The following SLC15A3 variants were observed in gnomAD, a reference collection of about 807,000 sequenced individuals.
SLC15A3 encodes solute carrier family 15 member 3.
SLC15A3 carries 39 observed loss-of-function variants against 49.2 expected under a neutral mutation model. The ratio of observed to expected loss-of-function variants is 0.79; its 90% confidence interval spans 0.61 to 1.04. The LOEUF (loss-of-function observed/expected upper bound fraction) is 1.04, where lower values mean the gene tolerates loss of function less well. Ranked by LOEUF, SLC15A3 falls within the 50% of genes least tolerant of loss-of-function variation. SLC15A3 has a pLI of 0.00. For synonymous variants in SLC15A3, 339 were observed against 367.0 expected, an observed-to-expected ratio of 0.92 and a Z score of 0.87; for missense variants, 758 against 794.8, an observed-to-expected ratio of 0.95 and a Z score of 0.56.
At chr11:60,941,735 A>G in intron 4 of SLC15A3, 1 of 370,620 alleles carries the variant, frequency 2.7e-6, no homozygotes, top group Non-Finnish European at 5.0e-6. Flanking sequence ...GGGACAAGGA[A>G]GAGTTGAAAA....
At chr11:60,950,315 T>G (rs888515358) in intron 1 of SLC15A3, among the ~76,000 whole-genome samples, 2 of 152,214 alleles carry the variant, frequency 1.3e-5, no homozygotes, top group African/African-American at 4.8e-5. Context: ...GGAGTCCAGC[T>G]GCCTTTACTC....
chr11:60,949,169 TCCTAAAAAAATACA>T (rs1159262028), intron 1 of SLC15A3, among the ~76,000 whole-genome samples: 1 of 151,654 alleles, frequency 6.6e-6, no homozygotes, highest in Non-Finnish European at 1.5e-5. Context: ...ACCACATCTC[TCCTAAAAAAATACA>T]AAAACTAGCC....
At position 60,951,303 on chromosome 11, in the gene SLC15A3, G is replaced by T; in HGVS notation, c.249C>A (p.Ser83=). The T allele has an allele frequency of 6.5e-7, 1 of 1,527,016 alleles. No individual in the cohort carries two copies. The highest frequency in any genetic ancestry group is 8.8e-7 in the Non-Finnish European group (1 of 1,139,628). 94.6% of individuals were successfully genotyped at this position (1,527,016 alleles called of 1,614,324 possible). A position where few individuals can be genotyped will look rare whatever the true frequency, so the allele number is the denominator to read the frequency against. ...TRAALVFLGA[S]YLLAPVGGWL... is the part of the protein sequence containing the mutation. ...AGCCGCCCACGGGCGCCAGCAGGTA[G>T]GAGGCGCCCAGGAATACCAGCGCGG... The change falls in exon 1 of 8, where the codon TCC becomes TCA. Residue 83 remains serine, a synonymous_variant. Transcript: ENST00000227880.
At chr11:60,941,314 G>C in intron 4 of SLC15A3, 24 bp from the exon 5 acceptor site, 3 of 1,605,614 alleles carry the variant, frequency 1.9e-6, no homozygotes, top group Non-Finnish European at 1.7e-6. Context: ...AGTCAGGAGA[G>C]GCAGGCTAGC....
Position 60,951,306 on chromosome 11 carries a change from G to A in SLC15A3, c.246C>T (p.Ala82=), listed in dbSNP as rs1237378945. 8.5e-6 allele frequency: 13 copies of A among 1,527,834 alleles called. No individual in the cohort carries two copies. The highest frequency in any genetic ancestry group is 1.2e-5 in the South Asian group (1 of 81,808). The allele number at this position is 1,527,834 out of a possible 1,614,324, so 94.6% of individuals were successfully genotyped here. ...CGCCCACGGGCGCCAGCAGGTAGGA[G>A]GCGCCCAGGAATACCAGCGCGGCGC... ...ATRAALVFLG[A]SYLLAPVGGW... Residue 82 remains alanine (A), a synonymous_variant, in exon 1 of 8, where the codon GCC becomes GCT. Transcript: ENST00000227880.
chr11:60,946,455 C>A lies in SLC15A3; in HGVS notation c.848+77G>T, dbSNP rs1037611896. On this transcript the variant is annotated intron_variant, in intron 2 of 7. Coordinates refer to ENST00000227880, the MANE Select transcript of SLC15A3 (RefSeq NM_016582.3). ...GTAGCTGAACCAGAATGTCTGCAACCTGGACCATGCCTCCCCGGGAGCGAT... is the reference window on the plus strand; with the variant it reads ...GTAGCTGAACCAGAATGTCTGCAACATGGACCATGCCTCCCCGGGAGCGAT... 3 of 1,475,898 alleles carry A rather than the reference C, an allele frequency of 2.0e-6. No homozygotes were observed. In the African/African-American group the frequency reaches 4.2e-5, roughly 21 times the overall value. 91.4% of individuals were successfully genotyped at this position (1,475,898 alleles called of 1,614,324 possible).
At chr11:60,948,416 T>A (rs1334548579) in intron 1 of SLC15A3, among the ~76,000 whole-genome samples, 1 of 152,232 alleles carries the variant, frequency 6.6e-6, no homozygotes. Context: ...AATGAGCAGA[T>A]GCTTTGTCGA....
At chr11:60,947,462 A>T (rs967297094) in intron 1 of SLC15A3, among the ~76,000 whole-genome samples, 1 of 152,300 alleles carries the variant, frequency 6.6e-6, no homozygotes, top group Middle Eastern at 3.4e-3. Flanking sequence ...TACAGGCGTG[A>T]GCCATCGCGC....
Position 60,951,025 on chromosome 11 carries a change from C to T in SLC15A3, c.527G>A (p.Arg176Gln), listed in dbSNP as rs2134945645. 5 of 1,494,662 alleles carry T rather than the reference C, an allele frequency of 3.3e-6. No individual in the cohort carries two copies. Among genetic ancestry groups the T allele is most frequent in the East Asian group, 2.8e-5 (1 of 35,202 alleles). 92.6% of individuals were successfully genotyped at this position (1,494,662 alleles called of 1,614,324 possible). ...GGCACCGAAGGAGGTGAGGTTGCTC[C>T]GGACGGAGCTGGCGGCCAGGCCGAG... ...LLLGLAASSVRSNLTSFGADQ... is the reference protein window; with the variant it reads ...LLLGLAASSVQSNLTSFGADQ... Residue 176 changes from arginine (R) to glutamine (Q), a missense_variant, in exon 1 of 8, where the codon CGG (arginine) becomes CAG (glutamine). This residue lies in a region of SLC15A3 where 699 missense variants were observed against 706.7 expected (regional missense o/e 0.99). Transcript: ENST00000227880.
chr11:60,946,971 C>A, intron 1 of SLC15A3, 150 bp from the exon 2 acceptor site: 1 of 842,582 alleles, frequency 1.2e-6, no homozygotes, highest in East Asian at 2.7e-5. Context: ...AACAGATGCT[C>A]AGTAAATATT....
In SLC15A3 at chr11:60,944,664, G is replaced by A. The variant is rs536006394; in HGVS notation, c.849-828C>T. ...CCAGTCCAAGCCTGACTCAGAGAGA[G>A]ACGCTGTCACAGATTTGATACACCA... On this transcript the variant is annotated intron_variant, in intron 2 of 7. Coordinates refer to ENST00000227880, the MANE Select transcript of SLC15A3 (RefSeq NM_016582.3). Among the ~76,000 whole-genome samples the A allele has an allele frequency of 3.3e-5, 5 of 152,210 alleles. No individual in the cohort carries two copies. The South Asian group carries it at 8.3e-4, about 25-fold the overall frequency.
intron 1 of SLC15A3, 93 bp downstream of exon 1, chr11:60,950,901 G>A (rs1478470895): frequency 2.4e-6 from 3 of 1,273,860 alleles, no homozygotes; most frequent in South Asian, 1.8e-5. Context: ...AGTGCAGGCA[G>A]GGGACCTGGT....
In SLC15A3 at chr11:60,951,331, C is replaced by A; in HGVS notation, c.221G>T (p.Arg74Leu). ...GGCGCCCAGGAATACCAGCGCGGCGCGCGTCGCCTGCTCGCCGGTCCAGTT... is the reference window on the plus strand; with the variant it reads ...GGCGCCCAGGAATACCAGCGCGGCGAGCGTCGCCTGCTCGCCGGTCCAGTT... Reference protein sequence around the residue: ...NFNWTGEQATRAALVFLGASY... With the variant: ...NFNWTGEQATLAALVFLGASY... The change falls in exon 1 of 8, where the codon CGC becomes CTC. Residue 74 changes from arginine (R) to leucine (L), a missense_variant. Physicochemically the swap from Arg to Leu is moderately radical, Grantham distance 102. Around this residue, in one of 3 missense-constraint regions of SLC15A3, gnomAD observed 699 missense variants for 706.7 expected, o/e 0.99. Coordinates refer to ENST00000227880, the MANE Select transcript of SLC15A3 (RefSeq NM_016582.3). 1.3e-6 allele frequency: 2 copies of A among 1,536,840 alleles called. No homozygotes were observed. The highest frequency in any genetic ancestry group is 1.7e-6 in the Non-Finnish European group (2 of 1,144,702).
Position 60,946,521 on chromosome 11 carries a change from C to G in SLC15A3, c.848+11G>C, listed in dbSNP as rs747583248. On this transcript the variant is annotated intron_variant, in intron 2 of 7. Transcript: ENST00000227880. ...GCTTGGAGGCTCCCTGCACCCAGAG[C>G]CCCTCCTTACCTGGCCGAGTGTCGT... 6.5e-7 allele frequency: 1 copy of G among 1,540,410 alleles called. No individual in the cohort carries two copies. The highest frequency in any genetic ancestry group is 8.8e-7 in the Non-Finnish European group (1 of 1,141,972).
intron 1 of SLC15A3, among the ~76,000 whole-genome samples, chr11:60,950,265 A>G (rs549959335): frequency 6.6e-6 from 1 of 152,338 alleles, no homozygotes; most frequent in African/African-American, 2.4e-5. Context: ...CTGCCCGCAC[A>G]TCCCCATAAC....
rs111536791 is a variant in SLC15A3 at position 60,937,735 on chromosome 11, C to T, written c.1591+135G>A. 265 of 1,224,122 alleles carry T rather than the reference C, an allele frequency of 2.2e-4. No individual in the cohort carries two copies. The African/African-American group carries it at 3.5e-3, about 16-fold the overall frequency. 75.8% of individuals were successfully genotyped at this position (1,224,122 alleles called of 1,614,324 possible). A position where few individuals can be genotyped will look rare whatever the true frequency, so the allele number is the denominator to read the frequency against. On this transcript the variant is annotated intron_variant, in intron 7 of 7. Transcript: ENST00000227880. ...CACGCTGTGGGTGACTGGCCAAGCC[C>T]GGGCTAGAACCCCATTCTCCCAAGT... is the stretch of plus-strand genomic sequence containing the variant.
intron 7 of SLC15A3, 73 bp downstream of exon 7, chr11:60,937,797 C>CTT: frequency 6.4e-7 from 1 of 1,550,662 alleles, no homozygotes; most frequent in Non-Finnish European, 8.8e-7. Flanking sequence ...AGTCAAAGCA[C>CTT]TTTAGCAGTT....
At chr11:60,940,990 G>T (rs1289099797) in intron 5 of SLC15A3, 132 bp downstream of exon 5, 19 of 976,086 alleles carry the variant, frequency 1.9e-5, no homozygotes, top group Non-Finnish European at 2.5e-5. Context: ...TTGCACCTCT[G>T]GGAAGCCAAC....
intron 2 of SLC15A3, among the ~76,000 whole-genome samples, chr11:60,944,622 C>T (rs547420715): frequency 2.6e-5 from 4 of 152,214 alleles, no homozygotes; most frequent in Non-Finnish European, 4.4e-5. Flanking sequence ...CAATTTGCCA[C>T]GGGAACCAGG....
Sources: allele counts gnomAD v4.1 joint callset (sites outside exome capture counted in the v4.1 genomes callset), GRCh38; gene constraint gnomAD v4.1.1; regional missense constraint gnomAD v4.1.1; transcripts MANE v1.5; gene names NCBI Gene and HGNC (gene_info 2026-07-23, HGNC 2026-07-21).